OR1L8: variants seen among roughly 807,000 people sequenced by gnomAD.
OR1L8 encodes olfactory receptor 1L8.
For synonymous variants in OR1L8, 148 were observed against 147.0 expected (o/e 1.01, Z -0.05); for missense variants, 330 against 377.4 (o/e 0.87, Z 1.04).
rs10760242 is a variant in OR1L8 at position 122,576,866 on chromosome 9, A to G, written c.-442T>C. 134,664 of 152,180 alleles carry G rather than the reference A, an allele frequency of 0.88. 59,708 individuals carry two copies. Among genetic ancestry groups the G allele is most frequent in the East Asian group, 0.98 (5,046 of 5,164 alleles). The allele number at this position is 152,180 out of a possible 1,614,324, so 9.4% of individuals were successfully genotyped here. On this transcript the variant is annotated 5_prime_UTR_variant, in exon 3 of 5. Transcript: ENST00000641027. Reference sequence around the variant, plus strand: ...TGTCTGTCTCTCCAATTTGGGGGGCAGTGGGTTGCCGTGTGACCTCACTTC... The same window carrying G: ...TGTCTGTCTCTCCAATTTGGGGGGCGGTGGGTTGCCGTGTGACCTCACTTC...
chr9:122,575,944 ATTTC>A (rs1396331070), intron 3 of OR1L8, among the ~76,000 whole-genome samples: 4 of 151,838 alleles, frequency 2.6e-5, no homozygotes, highest in Non-Finnish European at 5.9e-5. Flanking sequence ...ATCCCTGCAT[ATTTC>A]TTTCTTTTTA....
chr9:122,546,304 C>T, the OR1L8 span, among the ~76,000 whole-genome samples: 1 of 152,232 alleles, frequency 6.6e-6, no homozygotes, highest in East Asian at 1.9e-4. Context: ...GCCACTCTTC[C>T]TATTGAGAGA....
intron 1 of OR1L8, 148 bp from the exon 2 acceptor site, chr9:122,578,593 A>ATG (rs1829697083): frequency 6.6e-6 from 1 of 152,186 alleles, no homozygotes; most frequent in East Asian, 1.9e-4. Context: ...ATCGTGATAT[A>ATG]TACATATACC....
the OR1L8 span, among the ~76,000 whole-genome samples, chr9:122,551,379 T>C: frequency 5.3e-4 from 80 of 152,124 alleles, no homozygotes; most frequent in Non-Finnish European, 1.0e-3. Context: ...CTATGGCTGG[T>C]GTGCTTTATT....
At chr9:122,571,714 CAA>C (rs35818693) in intron 4 of OR1L8, among the ~76,000 whole-genome samples, 5 of 124,298 alleles carry the variant, frequency 4.0e-5, no homozygotes, top group Admixed American at 8.2e-5. Context: ...GACTCAGTCT[CAA>C]AAAAAAAAAA....
intron 3 of OR1L8, among the ~76,000 whole-genome samples, chr9:122,576,559 T>C (rs1244368515): frequency 2.0e-5 from 3 of 152,114 alleles, no homozygotes; most frequent in Non-Finnish European, 4.4e-5. Context: ...ATTCACTCAT[T>C]GTTGGGCAGT....
At chr9:122,553,751 C>G in the OR1L8 span, 2 of 1,614,024 alleles carry the variant, frequency 1.2e-6, no homozygotes, top group Non-Finnish European at 1.7e-6. Flanking sequence ...TCCCTCATTT[C>G]TATTGTGATC....
At chr9:122,570,478 T>C (rs939442301) in intron 4 of OR1L8, among the ~76,000 whole-genome samples, 23 of 152,264 alleles carry the variant, frequency 1.5e-4, no homozygotes, top group Non-Finnish European at 2.6e-4. Flanking sequence ...ACATTTTTCT[T>C]GTAAGTTACT....
intron 4 of OR1L8, among the ~76,000 whole-genome samples, chr9:122,569,654 A>T (rs1165076602): frequency 1.4e-5 from 2 of 147,062 alleles, no homozygotes; most frequent in Non-Finnish European, 3.0e-5. Context: ...TGTTTGAAAC[A>T]ACTTCATTTT....
Position 122,568,302 on chromosome 9 carries a change from G to T in OR1L8, c.176C>A (p.Pro59His). The change falls in exon 5 of 5, where the codon CCT becomes CAT. Residue 59 changes from proline to histidine, a missense_variant. Transcript: ENST00000641027. Reference protein sequence around the residue: ...AIRFNPHLQTPMYFFLSFLSL... With the variant: ...AIRFNPHLQTHMYFFLSFLSL... The stretch of plus-strand genomic sequence containing the variant: ...CAGAAAACTCAAGAAGAAATACATA[G>T]GGGTCTGAAGATGGGGGTTGAAGCG... The T allele has an allele frequency of 6.2e-7, 1 of 1,614,120 alleles. No homozygotes were observed. The highest frequency in any genetic ancestry group is 1.1e-5 in the South Asian group (1 of 91,060).
chr9:122,554,575 A>G, the OR1L8 span, among the ~76,000 whole-genome samples: 15 of 152,330 alleles, frequency 9.8e-5, no homozygotes, highest in African/African-American at 3.4e-4. Context: ...TCCTTACATC[A>G]GTTACTTTAG....
At position 122,570,207 on chromosome 9, in the gene OR1L8, G is replaced by T. The variant is rs181754072; in HGVS notation, c.-212-1518C>A. Among the ~76,000 whole-genome samples the T allele has an allele frequency of 6.7e-3, 1,009 of 150,556 alleles. 7 individuals carry two copies. Among genetic ancestry groups the T allele is most frequent in the Non-Finnish European group, 0.011 (775 of 67,720 alleles). On this transcript the variant is annotated intron_variant, in intron 4 of 4. Transcript: ENST00000641027. The stretch of plus-strand genomic sequence containing the variant: ...TGGGTATATACCCAGTAATGGGATG[G>T]CTGGGTCAAATGGTATTTCTAGTTC...
downstream of OR1L8, among the ~76,000 whole-genome samples, chr9:122,564,161 G>A (rs573578741): frequency 6.6e-6 from 1 of 152,228 alleles, no homozygotes; most frequent in African/African-American, 2.4e-5. Flanking sequence ...AAACATCACT[G>A]TTGCCCTCTA....
downstream of OR1L8, among the ~76,000 whole-genome samples, chr9:122,565,629 A>T (rs912396616): frequency 4.6e-5 from 7 of 152,256 alleles, no homozygotes; most frequent in Non-Finnish European, 8.8e-5. Flanking sequence ...TGATTACATT[A>T]GTCTGCTTCT....
At chr9:122,547,036 A>G in the OR1L8 span, among the ~76,000 whole-genome samples, 1 of 152,268 alleles carries the variant, frequency 6.6e-6, no homozygotes, top group African/African-American at 2.4e-5. Flanking sequence ...GGTATAGAAC[A>G]CTAGAACTTA....
chr9:122,560,307 C>T, the OR1L8 span, among the ~76,000 whole-genome samples: 12 of 152,006 alleles, frequency 7.9e-5, no homozygotes, highest in Admixed American at 4.6e-4. Context: ...GTCTTTTAAT[C>T]GCAGCATTTA....
chr9:122,555,024 G>T, the OR1L8 span, among the ~76,000 whole-genome samples: 2 of 151,970 alleles, frequency 1.3e-5, no homozygotes, highest in Non-Finnish European at 2.9e-5. Context: ...CTTAACAATG[G>T]TTTTCTTTTT....
At chr9:122,567,051 T>C (rs1215895577), downstream of OR1L8, 1 of 152,092 alleles carries the variant, frequency 6.6e-6, no homozygotes, top group African/African-American at 2.4e-5. Context: ...TAAAACATTT[T>C]TAGAAGGAGA....
the OR1L8 span, chr9:122,553,949 T>G: frequency 3.9e-4 from 622 of 1,613,998 alleles, 7 homozygotes; most frequent in African/African-American, 6.9e-3. Context: ...CCTGTGGTTC[T>G]CATCTCACGG....
Sources: allele counts gnomAD v4.1 joint callset (sites outside exome capture counted in the v4.1 genomes callset), GRCh38; gene constraint gnomAD v4.1.1; transcripts MANE v1.5; gene names NCBI Gene and HGNC (gene_info 2026-07-23, HGNC 2026-07-21).